The following SLIT3 variants were observed in gnomAD, a reference collection of about 807,000 sequenced individuals.
SLIT3 encodes slit homolog 3 protein.
In SLIT3, 68 loss-of-function variants were observed where a neutral mutation model predicts 184.0. The observed-to-expected ratio is 0.37, with a 90% confidence interval of 0.30 to 0.45. The LOEUF (loss-of-function observed/expected upper bound fraction) is 0.45, where lower values mean the gene tolerates loss of function less well. Among genes scored for constraint, SLIT3 ranks in the 20% least tolerant of loss-of-function variants. The probability of loss-of-function intolerance (pLI) is 1.00; values close to 1 mark genes in which losing one functional copy is unlikely to be tolerated. For missense variants in SLIT3, 1,707 were observed against 2,026.0 expected (o/e 0.84, Z 3.02); for synonymous variants, 831 against 828.6 (o/e 1.00, Z -0.05).
intron 4 of SLIT3, among the ~76,000 whole-genome samples, chr5:169,058,520 T>G (rs966282770): frequency 6.6e-6 from 1 of 152,164 alleles, no homozygotes; most frequent in Non-Finnish European, 1.5e-5. Context: ...ATATATGAGA[T>G]ATAGAAAAAA....
At chr5:169,170,153 C>T (rs2113414840) in intron 4 of SLIT3, among the ~76,000 whole-genome samples, 1 of 152,276 alleles carries the variant, frequency 6.6e-6, no homozygotes, top group East Asian at 1.9e-4. Context: ...ACACTGACAC[C>T]CACATTTGAA....
rs148892888 is a variant in SLIT3 at position 169,055,519 on chromosome 5, T to C, written c.413+137960A>G. On this transcript the variant is annotated intron_variant, in intron 4 of 35. Transcript: ENST00000519560. ...AAAAGGCCAGGAAGAGGTCAAGGCT[T>C]AGGGAGAGAGTTGGGCAAAGGTATG... 2.0e-5 allele frequency among the ~76,000 whole-genome samples: 3 copies of C among 152,220 alleles called. No individual in the cohort carries two copies. In the East Asian group the frequency reaches 5.8e-4, roughly 29 times the overall value.
intron 4 of SLIT3, among the ~76,000 whole-genome samples, chr5:169,048,951 G>A (rs1157017265): frequency 6.6e-6 from 1 of 152,164 alleles, no homozygotes; most frequent in Non-Finnish European, 1.5e-5. Context: ...GAGGCCCTTA[G>A]AAGTTGAGAG....
In SLIT3 at chr5:168,665,941, T is replaced by TAA. The variant is rs995628295; in HGVS notation, c.*511_*512dup. On this transcript the variant is annotated 3_prime_UTR_variant, in exon 36 of 36. Transcript: ENST00000519560. ...TAGGGGAGGAAAAATAAAAGGGAGT[T>TAA]AAAAAACAAGAAACAAAGGTCTTTT... 6.6e-6 allele frequency: 1 copy of TAA among 152,158 alleles called. No homozygotes were observed. The highest frequency in any genetic ancestry group is 1.5e-5 in the Non-Finnish European group (1 of 68,040). The allele number at this position is 152,158 out of a possible 1,614,324, so 9.4% of individuals were successfully genotyped here. A position where few individuals can be genotyped will look rare whatever the true frequency, so the allele number is the denominator to read the frequency against.
At chr5:169,140,115 T>C (rs1005352555) in intron 4 of SLIT3, among the ~76,000 whole-genome samples, 10 of 151,182 alleles carry the variant, frequency 6.6e-5, no homozygotes, top group Non-Finnish European at 1.3e-4. Flanking sequence ...TAAAATAAAG[T>C]CCTGACGGTG....
chr5:168,806,619 G>A (rs1361900196), intron 8 of SLIT3, 32 bp from the exon 9 acceptor site: 2 of 1,612,772 alleles, frequency 1.2e-6, no homozygotes, highest in Admixed American at 1.7e-5. Flanking sequence ...GTCAACTTAT[G>A]TCAGTGTCAG....
chr5:169,246,251 C>T (rs1310730667), intron 2 of SLIT3, among the ~76,000 whole-genome samples: 2 of 152,198 alleles, frequency 1.3e-5, no homozygotes, highest in African/African-American at 4.8e-5. Context: ...TTGCCATGTC[C>T]TCATCTGCTC....
At chr5:169,008,364 C>A (rs1352078520) in intron 4 of SLIT3, among the ~76,000 whole-genome samples, 1 of 152,140 alleles carries the variant, frequency 6.6e-6, no homozygotes, top group Non-Finnish European at 1.5e-5. Context: ...AAGGGCCTGA[C>A]TTCCCTAGCC....
At chr5:169,187,555 CTTTCTTT>C (rs969659543) in intron 4 of SLIT3, among the ~76,000 whole-genome samples, 6 of 89,050 alleles carry the variant, frequency 6.7e-5, no homozygotes, top group African/African-American at 3.2e-4. Flanking sequence ...TTCTTTCTTT[CTTTCTTT>C]TTTTTTTTTT....
chr5:169,200,480 C>G (rs996595579), intron 3 of SLIT3, among the ~76,000 whole-genome samples: 13 of 152,166 alleles, frequency 8.5e-5, no homozygotes, highest in Non-Finnish European at 1.6e-4. Flanking sequence ...CAAGTCACCC[C>G]CAATGGAGAG....
chr5:169,159,541 T>C lies in SLIT3; in HGVS notation c.413+33938A>G, dbSNP rs144691169. ...CTGTAATCCCAGCACTTTGGGAGGC[T>C]GAGGTGGGCGGATCACAAGGTCAGC... is the stretch of plus-strand genomic sequence containing the variant. On this transcript the variant is annotated intron_variant, in intron 4 of 35. Transcript: ENST00000519560. 1.1e-3 allele frequency among the ~76,000 whole-genome samples: 157 copies of C among 145,878 alleles called. 1 individual carries two copies. Among genetic ancestry groups the C allele is most frequent in the African/African-American group, 3.5e-3 (145 of 40,926 alleles).
rs148958775 is a variant in SLIT3, at chr5:168,774,261, G to C, written c.1269C>G (p.Phe423Leu). ...GTGTCTGGATGGACTGCAGAGGGGC[G>C]AAGAGCCCCTTGCTGATGGTCTGCA... ...NKLQTISKGL[F>L]APLQSIQTLH... The change falls in exon 13 of 36, where the codon TTC (phenylalanine) becomes TTG (leucine). Residue 423 changes from phenylalanine to leucine, a missense_variant. Transcript: ENST00000519560. 5 of 1,613,522 alleles carry C rather than the reference G, an allele frequency of 3.1e-6. No individual in the cohort carries two copies. The African/African-American group carries it at 6.7e-5, about 22-fold the overall frequency.
chr5:168,666,626 C>G lies in SLIT3; in HGVS notation c.4400G>C (p.Cys1467Ser). The G allele has an allele frequency of 6.2e-7, 1 of 1,614,222 alleles. No individual in the cohort carries two copies. The highest frequency in any genetic ancestry group is 8.5e-7 in the Non-Finnish European group (1 of 1,180,038). ...GATGGGCACCTTGGAGGCTGTGGCA[C>G]ATGATGCATAACCTTTCTGGCGGCG... ...VIRRQKGYASCATASKVPIME... is the reference protein window; with the variant it reads ...VIRRQKGYASSATASKVPIME... Residue 1467 changes from cysteine to serine, a missense_variant, in exon 36 of 36, where the codon TGT becomes TCT. By Grantham distance (112) the Cys-to-Ser change is moderately radical. Transcript: ENST00000519560.
intron 4 of SLIT3, among the ~76,000 whole-genome samples, chr5:169,133,414 G>A (rs566641462): frequency 4.6e-5 from 7 of 152,316 alleles, no homozygotes; most frequent in South Asian, 2.1e-4. Context: ...GCCCATAGCC[G>A]TTGAGCTGTG....
At chr5:168,823,226 G>A in intron 7 of SLIT3, 34 bp downstream of exon 7, 1 of 1,572,798 alleles carries the variant, frequency 6.4e-7, no homozygotes, top group Non-Finnish European at 8.8e-7. Context: ...GAGGTAGGGA[G>A]AAAATGGGAG....
chr5:168,980,672 C>A (rs1754917183), intron 4 of SLIT3, among the ~76,000 whole-genome samples: 1 of 152,112 alleles, frequency 6.6e-6, no homozygotes, highest in African/African-American at 2.4e-5. Context: ...AGAACTTAAC[C>A]CAAGAAATAC....
At chr5:168,915,722 C>G (rs1562004493) in intron 4 of SLIT3, among the ~76,000 whole-genome samples, 2 of 151,946 alleles carry the variant, frequency 1.3e-5, no homozygotes, top group African/African-American at 2.4e-5. Flanking sequence ...TTTGGACTAG[C>G]CATATTTTAT....
chr5:168,741,596 G>A (rs1343968417), intron 20 of SLIT3, among the ~76,000 whole-genome samples: 2 of 151,976 alleles, frequency 1.3e-5, no homozygotes, highest in South Asian at 4.2e-4. Context: ...AGACACAATT[G>A]CTGCTCTCAG....
intron 4 of SLIT3, among the ~76,000 whole-genome samples, chr5:168,956,304 C>T (rs866008923): frequency 5.9e-5 from 9 of 152,054 alleles, no homozygotes; most frequent in Non-Finnish European, 8.8e-5. Flanking sequence ...TCTGAGAAAT[C>T]GGAGTACTAG....
Sources: allele counts gnomAD v4.1 joint callset (sites outside exome capture counted in the v4.1 genomes callset), GRCh38; gene constraint gnomAD v4.1.1; transcripts MANE v1.5; gene names NCBI Gene and HGNC (gene_info 2026-07-23, HGNC 2026-07-21).